Variants in ANKS1B observed in about 807,000 individuals in gnomAD.
ANKS1B encodes the protein ankyrin repeat and sterile alpha motif domain containing 1B, also known as ankyrin repeat and sterile alpha motif domain-containing protein 1B.
Under a neutral mutation model 148.3 loss-of-function variants are expected in ANKS1B, and 36 were observed. The ratio of observed to expected loss-of-function variants is 0.24; its 90% confidence interval spans 0.19 to 0.32. The LOEUF (loss-of-function observed/expected upper bound fraction) is 0.32, where lower values mean the gene tolerates loss of function less well. Ranked by LOEUF, ANKS1B falls within the 10% of genes least tolerant of loss-of-function variation. The pLI, the probability that ANKS1B is intolerant of heterozygous loss-of-function variation, is 1.00. For synonymous variants in ANKS1B, 542 were observed against 560.8 expected (o/e 0.97, Z 0.47); for missense variants, 1,157 against 1,542.6 (o/e 0.75, Z 4.19).
At chr12:99,294,933 A>G (rs2154013894) in intron 12 of ANKS1B, among the ~76,000 whole-genome samples, 1 of 152,322 alleles carries the variant, frequency 6.6e-6, no homozygotes, top group South Asian at 2.1e-4. Context: ...TGCACATTTT[A>G]AAATAACTAA....
chr12:99,457,588 C>G (rs1488813527), intron 10 of ANKS1B, among the ~76,000 whole-genome samples: 1 of 151,986 alleles, frequency 6.6e-6, no homozygotes, highest in Non-Finnish European at 1.5e-5. Flanking sequence ...AAAAAAGATA[C>G]TTCATGCAAA....
At chr12:99,896,304 AT>A in intron 1 of ANKS1B, among the ~76,000 whole-genome samples, 1 of 150,806 alleles carries the variant, frequency 6.6e-6, no homozygotes, top group East Asian at 1.9e-4. Flanking sequence ...TTGAAGTTTC[AT>A]TTCGTTTTGT....
At chr12:99,724,767 G>T (rs757214055) in intron 8 of ANKS1B, among the ~76,000 whole-genome samples, 1 of 152,122 alleles carries the variant, frequency 6.6e-6, no homozygotes, top group African/African-American at 2.4e-5. Flanking sequence ...GAAAGACCAG[G>T]TCACCCACAA....
At chr12:98,911,162 C>A (rs1403902782) in intron 17 of ANKS1B, among the ~76,000 whole-genome samples, 1 of 151,980 alleles carries the variant, frequency 6.6e-6, no homozygotes, top group Non-Finnish European at 1.5e-5. Context: ...AAGATCCTAA[C>A]CAAAGTTTCC....
intron 12 of ANKS1B, among the ~76,000 whole-genome samples, chr12:99,301,290 C>T (rs1223413191): frequency 6.6e-6 from 1 of 152,148 alleles, no homozygotes; most frequent in Non-Finnish European, 1.5e-5. Context: ...CATAGACATA[C>T]ACAGAAATGT....
intron 17 of ANKS1B, among the ~76,000 whole-genome samples, chr12:98,871,705 TA>T (rs887987686): frequency 2.0e-5 from 3 of 152,128 alleles, no homozygotes; most frequent in African/African-American, 4.8e-5. Context: ...TTTTTTTAAT[TA>T]AAAAAACCAT....
chr12:98,905,895 T>A lies in ANKS1B; in HGVS notation c.2779-73759A>T, dbSNP rs778718974. Among the ~76,000 whole-genome samples, 32 of 152,314 alleles carry A rather than the reference T, an allele frequency of 2.1e-4. 1 individual carries two copies. The highest frequency in any genetic ancestry group is 5.2e-4 in the Admixed American group (8 of 15,304). On this transcript the variant is annotated intron_variant, in intron 17 of 26. Coordinates refer to ENST00000683438, the MANE Select transcript of ANKS1B (RefSeq NM_001352186.2). Reference sequence around the variant, plus strand: ...AGAAGAATGGTTAGCCCACTCTCTTTCTAGTGAACCCTGGGATAAGGTCTA... The same window carrying A: ...AGAAGAATGGTTAGCCCACTCTCTTACTAGTGAACCCTGGGATAAGGTCTA...
chr12:99,063,188 T>G (rs1326891390), intron 16 of ANKS1B, among the ~76,000 whole-genome samples: 1 of 152,218 alleles, frequency 6.6e-6, no homozygotes, highest in Non-Finnish European at 1.5e-5. Context: ...TTTTCCCACC[T>G]GGATGTACTT....
chr12:99,630,461 G>A (rs12229583), intron 9 of ANKS1B, among the ~76,000 whole-genome samples: 76,417 of 151,776 alleles, frequency 0.5, 19,302 homozygotes, highest in Admixed American at 0.56. Flanking sequence ...AAAAAAAGAG[G>A]GGACTCTGGG....
At chr12:99,065,590 T>TCCATC (rs1565854148) in intron 16 of ANKS1B, among the ~76,000 whole-genome samples, 35 of 67,366 alleles carry the variant, frequency 5.2e-4, no homozygotes, top group African/African-American at 1.1e-3. Context: ...TCCATTCCAT[T>TCCATC]CATCCATCCA....
intron 14 of ANKS1B, among the ~76,000 whole-genome samples, chr12:99,156,941 T>C (rs2153826436): frequency 1.3e-5 from 2 of 152,334 alleles, no homozygotes; most frequent in South Asian, 2.1e-4. Flanking sequence ...GTTTTAACTC[T>C]ATCCCAAGTC....
intron 24 of ANKS1B, among the ~76,000 whole-genome samples, chr12:98,777,357 A>C (rs1282339645): frequency 6.6e-6 from 1 of 152,248 alleles, no homozygotes; most frequent in Non-Finnish European, 1.5e-5. Context: ...AAAGCAAAAA[A>C]CAAACCCTGG....
At chr12:99,903,511 G>T (rs986525758) in intron 1 of ANKS1B, among the ~76,000 whole-genome samples, 3 of 152,234 alleles carry the variant, frequency 2.0e-5, no homozygotes, top group African/African-American at 4.8e-5. Context: ...ATGAGAGACA[G>T]AGTACTAGAG....
chr12:99,726,710 C>A (rs1215078571), intron 8 of ANKS1B, among the ~76,000 whole-genome samples: 1 of 152,154 alleles, frequency 6.6e-6, no homozygotes, highest in African/African-American at 2.4e-5. Flanking sequence ...AGGCCAATAT[C>A]CCTGATGAAT....
intron 22 of ANKS1B, among the ~76,000 whole-genome samples, chr12:98,785,076 C>T (rs1362245769): frequency 6.6e-6 from 1 of 152,206 alleles, no homozygotes; most frequent in East Asian, 1.9e-4. Flanking sequence ...GATAAGGATC[C>T]ATCGTCTTTT....
intron 8 of ANKS1B, among the ~76,000 whole-genome samples, chr12:99,695,260 C>T (rs1261995373): frequency 6.6e-6 from 1 of 152,196 alleles, no homozygotes; most frequent in Non-Finnish European, 1.5e-5. Context: ...AAGTGTTATG[C>T]ATGGCTAGAT....
rs558269582 is a variant in ANKS1B at position 98,933,922 on chromosome 12, T to C, written c.2779-101786A>G. Among the ~76,000 whole-genome samples the C allele has an allele frequency of 3.9e-5, 6 of 152,206 alleles. No homozygotes were observed. The East Asian group carries it at 1.2e-3, about 29-fold the overall frequency. On this transcript the variant is annotated intron_variant, in intron 17 of 26. Transcript: ENST00000683438. ...TTGGAGAATAACCTCGTATCTGATA[T>C]ATGGTTTGCAAATATTTTGTCCCAT...
At chr12:98,868,557 T>C (rs550393429) in intron 17 of ANKS1B, among the ~76,000 whole-genome samples, 2 of 152,348 alleles carry the variant, frequency 1.3e-5, no homozygotes, top group African/African-American at 4.8e-5. Flanking sequence ...GTTGATGACA[T>C]GACGAATTGC....
Position 99,864,262 on chromosome 12 carries a change from A to G in ANKS1B, c.135-38873T>C, listed in dbSNP as rs188551335. Among the ~76,000 whole-genome samples the G allele has an allele frequency of 3.5e-3, 540 of 152,186 alleles. 5 individuals carry two copies. Among genetic ancestry groups the G allele is most frequent in the African/African-American group, 0.012 (495 of 41,524 alleles). On this transcript the variant is annotated intron_variant, in intron 1 of 26. Coordinates refer to ENST00000683438, the MANE Select transcript of ANKS1B (RefSeq NM_001352186.2). Reference sequence around the variant, plus strand: ...CCACTGCTATTAAATTAATATTCCTATGGCACAACTGTGATCCTCCTCCTC... The same window carrying G: ...CCACTGCTATTAAATTAATATTCCTGTGGCACAACTGTGATCCTCCTCCTC...
Sources: allele counts gnomAD v4.1 joint callset (sites outside exome capture counted in the v4.1 genomes callset), GRCh38; gene constraint gnomAD v4.1.1; transcripts MANE v1.5; gene names NCBI Gene and HGNC (gene_info 2026-07-23, HGNC 2026-07-21).